Variants in ALDH16A1 observed in about 807,000 individuals in gnomAD.
ALDH16A1 encodes aldehyde dehydrogenase family 16 member A1.
In ALDH16A1, 88 loss-of-function variants were observed where a neutral mutation model predicts 96.1. That is an observed-to-expected ratio of 0.92 (90% CI 0.77 to 1.09). The LOEUF is 1.09. Among genes scored for constraint, ALDH16A1 ranks in the 50% least tolerant of loss-of-function variants. ALDH16A1 has a pLI of 0.00. For synonymous variants in ALDH16A1, 522 were observed against 496.4 expected (o/e 1.05, Z -0.69); for missense variants, 1,250 against 1,112.6 (o/e 1.12, Z -1.76).
chr19:49,454,714 C>T (rs755299657), intron 1 of ALDH16A1, among the ~76,000 whole-genome samples: 3 of 152,180 alleles, frequency 2.0e-5, no homozygotes, highest in Non-Finnish European at 4.4e-5. Context: ...GGAACTGGAT[C>T]AGAACCCTGG....
Position 49,465,901 on chromosome 19 carries a change from C to T in ALDH16A1, c.1732C>T (p.Pro578Ser). ...GAVEAAHQAF[P>S]GWAGQSPGAR... is the part of the protein sequence containing the mutation. ...TGTGGAGGCCGCTCACCAGGCTTTC[C>T]CTGGGTAAGGGGTCACACGGGAAAG... The change falls in exon 13 of 17, where the codon CCT (proline) becomes TCT (serine). Residue 578 changes from proline (P) to serine (S), a missense_variant. Pro to Ser is a moderately conservative substitution (Grantham distance 74). Transcript: ENST00000293350. 2 of 1,613,612 alleles carry T rather than the reference C, an allele frequency of 1.2e-6. No individual in the cohort carries two copies. The highest frequency in any genetic ancestry group is 1.7e-6 in the Non-Finnish European group (2 of 1,179,764).
rs1417984011 is a variant in ALDH16A1, at chr19:49,470,607, A to G, written c.*140A>G. On this transcript the variant is annotated 3_prime_UTR_variant, in exon 17 of 17. Transcript: ENST00000293350. ...CAACCCTAGCTGTGCTTCTGCGAGA[A>G]GAAAGGGTGTAGCAACTTCTGGCAG... 1 of 943,488 alleles carries G rather than the reference A, an allele frequency of 1.1e-6. No individual in the cohort carries two copies. Among genetic ancestry groups the G allele is most frequent in the African/African-American group, 1.7e-5 (1 of 57,882 alleles). The allele number at this position is 943,488 out of a possible 1,614,324, so 58.4% of individuals were successfully genotyped here.
chr19:49,468,430 T>G lies in ALDH16A1; in HGVS notation c.1988T>G (p.Val663Gly), dbSNP rs1187222109. The change falls in exon 15 of 17, where the codon GTG becomes GGG. Residue 663 changes from valine to glycine, a missense_variant. By Grantham distance (109) the Val-to-Gly change is moderately radical. Coordinates refer to ENST00000293350, the MANE Select transcript of ALDH16A1 (RefSeq NM_153329.4). The surrounding 1 kb of genome is among the most constrained non-coding windows in gnomAD (Gnocchi z 4.4). ...PVLRLREPLGVLAVVCPDEWP... is the reference protein window; with the variant it reads ...PVLRLREPLGGLAVVCPDEWP... ...CTGCGCCTGCGGGAGCCGCTGGGTG[T>G]GCTGGCTGTGGTGTGTCCGGACGAG... is the stretch of plus-strand genomic sequence containing the variant. 1 of 1,601,158 alleles carries G rather than the reference T, an allele frequency of 6.2e-7. No individual in the cohort carries two copies. The highest frequency in any genetic ancestry group is 8.5e-7 in the Non-Finnish European group (1 of 1,179,844).
Position 49,462,702 on chromosome 19 carries a change from G to T in ALDH16A1, c.1045G>T (p.Ala349Ser), listed in dbSNP as rs767851623. ...AVDMGARGAA[A>S]CDLVQRFVRE... ...GGACATGGGGGCCCGGGGGGCTGCC[G>T]CATGTGACCTGGTCCAGCGCTTTGT... The change falls in exon 8 of 17, where the codon GCA becomes TCA. Residue 349 changes from alanine (A) to serine (S), a missense_variant. Transcript: ENST00000293350. 1.9e-6 allele frequency: 3 copies of T among 1,606,594 alleles called. No individual in the cohort carries two copies. The highest frequency in any genetic ancestry group is 1.1e-5 in the South Asian group (1 of 90,596).
chr19:49,466,174 T>TGGAGAGGCA lies in ALDH16A1; in HGVS notation c.1832_1840dup (p.Glu611_Gln613dup). ...CGGAAGTCTACCCTGGCCTCGAGGCTGGAGAGGCAGGGAGCGGAGCTCAAG... is the reference window on the plus strand; with the variant it reads ...CGGAAGTCTACCCTGGCCTCGAGGCTGGAGAGGCAGGAGAGGCAGGGAGCGGAGCTCAAG... On this transcript the variant is annotated inframe_insertion, in exon 14 of 17. Coordinates refer to ENST00000293350, the MANE Select transcript of ALDH16A1 (RefSeq NM_153329.4). 6.4e-7 allele frequency: 1 copy of TGGAGAGGCA among 1,560,256 alleles called. No individual in the cohort carries two copies. Among genetic ancestry groups the TGGAGAGGCA allele is most frequent in the Non-Finnish European group, 8.7e-7 (1 of 1,154,214 alleles).
In ALDH16A1 at chr19:49,461,971, G is replaced by C; in HGVS notation, c.847G>C (p.Asp283His). ...GACGGAGTCGCTGCTGCTGCTGACGGACACGGCGGACGTAGACTCGGCCGT... is the reference window on the plus strand; with the variant it reads ...GACGGAGTCGCTGCTGCTGCTGACGCACACGGCGGACGTAGACTCGGCCGT... ...LGTESLLLLT[D>H]TADVDSAVEG... Residue 283 changes from aspartate (D) to histidine (H), a missense_variant, in exon 7 of 17, where the codon GAC becomes CAC. By Grantham distance (81) the Asp-to-His change is moderately conservative. Transcript: ENST00000293350. 1 of 1,555,724 alleles carries C rather than the reference G, an allele frequency of 6.4e-7. No homozygotes were observed. The highest frequency in any genetic ancestry group is 8.7e-7 in the Non-Finnish European group (1 of 1,153,596).
chr19:49,464,550 C>A, intron 11 of ALDH16A1, 28 bp downstream of exon 11: 1 of 1,612,478 alleles, frequency 6.2e-7, no homozygotes, highest in Non-Finnish European at 8.5e-7. Context: ...CCGTCACCAG[C>A]CCCCCCGCCG....
chr19:49,454,349 T>C (rs16981276), intron 1 of ALDH16A1, among the ~76,000 whole-genome samples: 3,860 of 152,180 alleles, frequency 0.025, 166 homozygotes, highest in African/African-American at 0.088. Context: ...TAATTACTTA[T>C]GGCCCCTCAC....
rs140656618 is a variant in ALDH16A1 at position 49,462,691 on chromosome 19, G to T, written c.1034G>T (p.Arg345Leu). 1 of 1,607,354 alleles carries T rather than the reference G, an allele frequency of 6.2e-7. No individual in the cohort carries two copies. Among genetic ancestry groups the T allele is most frequent in the African/African-American group, 1.3e-5 (1 of 74,520 alleles). ...GATGGGGCCGTGGACATGGGGGCCC[G>T]GGGGGCTGCCGCATGTGACCTGGTC... Reference protein sequence around the residue: ...GLDGAVDMGARGAAACDLVQR... With the variant: ...GLDGAVDMGALGAAACDLVQR... Residue 345 changes from arginine to leucine, a missense_variant, in exon 8 of 17, where the codon CGG becomes CTG. Transcript: ENST00000293350.
At position 49,470,117 on chromosome 19, in the gene ALDH16A1, C is replaced by G. The variant is rs551680899; in HGVS notation, c.2248-189C>G. On this transcript the variant is annotated intron_variant, in intron 16 of 16. Coordinates refer to ENST00000293350, the MANE Select transcript of ALDH16A1 (RefSeq NM_153329.4). ...ATGGGCTGTTAAGGGAGAGGAAATT[C>G]CCTAACCACTGGGTCCAGTGCTTTT... is the stretch of plus-strand genomic sequence containing the variant. 57 of 653,250 alleles carry G rather than the reference C, an allele frequency of 8.7e-5. No individual in the cohort carries two copies. The African/African-American group carries it at 1.0e-3, about 12-fold the overall frequency. 40.5% of individuals were successfully genotyped at this position (653,250 alleles called of 1,614,324 possible). A position where few individuals can be genotyped will look rare whatever the true frequency, so the allele number is the denominator to read the frequency against.
Position 49,463,954 on chromosome 19 carries a change from G to C in ALDH16A1, c.1194+5G>C. 1 of 1,606,854 alleles carries C rather than the reference G, an allele frequency of 6.2e-7. No homozygotes were observed. The highest frequency in any genetic ancestry group is 1.1e-5 in the South Asian group (1 of 89,984). On this transcript the variant is annotated splice_donor_5th_base_variant and intron_variant, in intron 9 of 16. Transcript: ENST00000293350. Reference sequence around the variant, plus strand: ...TCCCCATGTGCCCAGGTGGAGGTGAGACCCTTAAGGCTGCAGAGCTCCTAC... The same window carrying C: ...TCCCCATGTGCCCAGGTGGAGGTGACACCCTTAAGGCTGCAGAGCTCCTAC...
At chr19:49,458,382 G>T in intron 1 of ALDH16A1, 104 bp from the exon 2 acceptor site, 1 of 812,704 alleles carries the variant, frequency 1.2e-6, no homozygotes, top group Non-Finnish European at 2.0e-6. Context: ...ATTAGCTGAT[G>T]GGGCAGAGGG....
chr19:49,455,245 T>C (rs2079098312), intron 1 of ALDH16A1, among the ~76,000 whole-genome samples: 1 of 150,032 alleles, frequency 6.7e-6, no homozygotes, highest in South Asian at 2.1e-4. Flanking sequence ...GTGAAACCCA[T>C]CTCTACTAAA....
chr19:49,458,437 G>C (rs1192931815), intron 1 of ALDH16A1, 49 bp from the exon 2 acceptor site: 2 of 1,472,902 alleles, frequency 1.4e-6, no homozygotes, highest in African/African-American at 2.8e-5. Flanking sequence ...GGGTTGAACT[G>C]CCCCAGCTCC....
chr19:49,469,149 G>A (rs540039737), intron 16 of ALDH16A1, 163 bp downstream of exon 16: 23 of 1,062,162 alleles, frequency 2.2e-5, no homozygotes, highest in African/African-American at 1.1e-4. Flanking sequence ...AAGTTACTAA[G>A]GAAGAGGCTG....
rs377051527 is a variant in ALDH16A1, at chr19:49,461,946, G to C, written c.822G>C (p.Gly274=). 15 of 1,571,394 alleles carry C rather than the reference G, an allele frequency of 9.5e-6. No homozygotes were observed. Among genetic ancestry groups the C allele is most frequent in the Non-Finnish European group, 1.2e-5 (14 of 1,160,616 alleles). The part of the protein sequence containing the change: ...GECAELGLAL[G]TESLLLLTDT... ...GTGCGGAGCTGGGCCTGGCGCTGGG[G>C]ACGGAGTCGCTGCTGCTGCTGACGG... Residue 274 remains glycine (G), a synonymous_variant, in exon 7 of 17, where the codon GGG becomes GGC. Coordinates refer to ENST00000293350, the MANE Select transcript of ALDH16A1 (RefSeq NM_153329.4).
rs1470360243 is a variant in ALDH16A1 at position 49,470,663 on chromosome 19, T to TTC, written c.*197_*198insCT. ...AGGCTTTTTTCTTTTTTTTTTTTTTTTTTGAGACAACGTCTGGCTCTGTCA... is the reference window on the plus strand; with the variant it reads ...AGGCTTTTTTCTTTTTTTTTTTTTTTTCTTTGAGACAACGTCTGGCTCTGTCA... On this transcript the variant is annotated 3_prime_UTR_variant, in exon 17 of 17. Transcript: ENST00000293350. 73 of 557,296 alleles carry TTC rather than the reference T, an allele frequency of 1.3e-4. No homozygotes were observed. Among genetic ancestry groups the TTC allele is most frequent in the Non-Finnish European group, 1.8e-4 (66 of 356,972 alleles). 34.5% of individuals were successfully genotyped at this position (557,296 alleles called of 1,614,324 possible).
chr19:49,462,734 G>C lies in ALDH16A1; in HGVS notation c.1077G>C (p.Glu359Asp). Residue 359 changes from glutamate (E) to aspartate (D), a missense_variant, in exon 8 of 17, where the codon GAG becomes GAC. By Grantham distance (45) the Glu-to-Asp change is conservative (BLOSUM62 2). Coordinates refer to ENST00000293350, the MANE Select transcript of ALDH16A1 (RefSeq NM_153329.4). ...ACDLVQRFVREAQSQGAQVFQ... is the reference protein window; with the variant it reads ...ACDLVQRFVRDAQSQGAQVFQ... The stretch of plus-strand genomic sequence containing the variant: ...ACCTGGTCCAGCGCTTTGTGCGTGA[G>C]GCCCAGAGCCAGGGTGCACAGGTGA... 1 of 1,598,630 alleles carries C rather than the reference G, an allele frequency of 6.3e-7. No individual in the cohort carries two copies. The highest frequency in any genetic ancestry group is 8.5e-7 in the Non-Finnish European group (1 of 1,173,580).
At chr19:49,466,012 G>C in intron 13 of ALDH16A1, 70 bp from the exon 14 acceptor site, 1 of 1,538,274 alleles carries the variant, frequency 6.5e-7, no homozygotes, top group South Asian at 1.2e-5. Flanking sequence ...TAGGGGCTGT[G>C]GACAGAGGTG....
Sources: allele counts gnomAD v4.1 joint callset (sites outside exome capture counted in the v4.1 genomes callset), GRCh38; gene constraint gnomAD v4.1.1; non-coding constraint Gnocchi (gnomAD v3.1); transcripts MANE v1.5; gene names NCBI Gene and HGNC (gene_info 2026-07-23, HGNC 2026-07-21).